The following SULF1 variants were observed in gnomAD, a reference collection of about 807,000 sequenced individuals.
SULF1 encodes extracellular sulfatase Sulf-1.
SULF1 carries 46 observed loss-of-function variants against 110.5 expected under a neutral mutation model. The observed-to-expected ratio is 0.42, with a 90% CI of 0.33 to 0.53. The LOEUF (loss-of-function observed/expected upper bound fraction) is 0.53. Ranked by LOEUF, SULF1 falls within the 20% of genes least tolerant of loss-of-function variation. SULF1 has a pLI of 0.12. For missense variants in SULF1, 941 were observed against 1,094.2 expected, an observed-to-expected ratio of 0.86 and a Z score of 1.98; for synonymous variants, 371 against 387.1, an observed-to-expected ratio of 0.96 and a Z score of 0.49.
chr8:69,589,119 T>A lies in SULF1; in HGVS notation c.712T>A (p.Tyr238Asn). Residue 238 changes from tyrosine (Y) to asparagine (N), a missense_variant, in exon 8 of 23, where the codon TAC (tyrosine) becomes AAC (asparagine). Physicochemically the swap from Tyr to Asn is moderately radical, Grantham distance 143. Around this residue, in one of 3 missense-constraint regions of SULF1, gnomAD observed 822 missense variants for 934.3 expected, o/e 0.88. Transcript: ENST00000402687. ...EDSAPQFSKL[Y>N]PNASQHITPS... The stretch of plus-strand genomic sequence containing the variant: ...CTCAGCCCCACAGTTTTCTAAACTG[T>A]ACCCCAATGCTTCCCAACACATGTA... The A allele has an allele frequency of 6.2e-7, 1 of 1,614,000 alleles. No individual in the cohort carries two copies. The highest frequency in any genetic ancestry group is 8.5e-7 in the Non-Finnish European group (1 of 1,179,928).
At chr8:69,645,340 A>G (rs934654078) in intron 22 of SULF1, among the ~76,000 whole-genome samples, 5 of 152,180 alleles carry the variant, frequency 3.3e-5, no homozygotes, top group Non-Finnish European at 5.9e-5. Flanking sequence ...ACTAAAGTAT[A>G]GCACGTGCAG....
intron 6 of SULF1, among the ~76,000 whole-genome samples, chr8:69,578,325 C>CTGA (rs35623342): frequency 0.045 from 6,744 of 149,342 alleles, 497 homozygotes; most frequent in African/African-American, 0.16. Flanking sequence ...ACAGATCTGA[C>CTGA]TGTTTTTTAT....
rs201919147 is a variant in SULF1, at chr8:69,603,259, C to A, written c.1129C>A (p.Pro377Thr). The part of the protein sequence containing the change: ...TILDIAGLDT[P>T]PDVDGKSVLK... ...CCTGGATATTGCTGGGCTCGACACA[C>A]CTCCTGATGTGGACGGCAAGTCTGT... Residue 377 changes from proline to threonine, a missense_variant, in exon 11 of 23, where the codon CCT (proline) becomes ACT (threonine). Transcript: ENST00000402687. 5.0e-6 allele frequency: 8 copies of A among 1,614,056 alleles called. No individual in the cohort carries two copies. Among genetic ancestry groups the A allele is most frequent in the Non-Finnish European group, 6.8e-6 (8 of 1,180,042 alleles).
chr8:69,621,184 T>C lies in SULF1; in HGVS notation c.1527T>C (p.Ser509=), dbSNP rs200268962. The C allele has an allele frequency of 1.2e-5, 20 of 1,614,086 alleles. No individual in the cohort carries two copies. Among genetic ancestry groups the C allele is most frequent in the Admixed American group, 3.3e-5 (2 of 60,016 alleles). ...DKDKECSCRE[S]GYRASRSQRK... ...ACAAAGAGTGCAGTTGTAGGGAGTC[T>C]GGTTACCGTGCCAGCAGAAGCCAAA... Residue 509 remains serine (S), a synonymous_variant, in exon 14 of 23, where the codon TCT becomes TCC. Transcript: ENST00000402687.
chr8:69,638,274 T>G, intron 19 of SULF1: 1 of 514,010 alleles, frequency 1.9e-6, no homozygotes, highest in Non-Finnish European at 3.3e-6. Context: ...TTTACTTTAG[T>G]CTTCAGCCTA....
intron 1 of SULF1, among the ~76,000 whole-genome samples, chr8:69,486,937 A>G (rs1455893216): frequency 1.3e-5 from 2 of 152,204 alleles, no homozygotes; most frequent in African/African-American, 2.4e-5. Flanking sequence ...TTCTTTGTTG[A>G]TTTACACGTC....
At chr8:69,525,885 C>A (rs563486110) in intron 3 of SULF1, among the ~76,000 whole-genome samples, 2 of 152,094 alleles carry the variant, frequency 1.3e-5, no homozygotes, top group Admixed American at 1.3e-4. Context: ...GTGTGATAAT[C>A]GGAGACTGCC....
intron 19 of SULF1, among the ~76,000 whole-genome samples, chr8:69,636,651 A>C (rs1385451819): frequency 6.6e-6 from 1 of 152,188 alleles, no homozygotes; most frequent in East Asian, 1.9e-4. Flanking sequence ...ATGCTTGAAG[A>C]AGTGGTAGTC....
chr8:69,502,161 G>A (rs189813342), intron 3 of SULF1, among the ~76,000 whole-genome samples, 193 bp downstream of exon 3: 17 of 152,240 alleles, frequency 1.1e-4, no homozygotes, highest in African/African-American at 3.6e-4. Context: ...CTTCCACGTG[G>A]TAGAGCCATG....
intron 5 of SULF1, among the ~76,000 whole-genome samples, chr8:69,573,563 A>G (rs905750363): frequency 6.6e-6 from 1 of 152,146 alleles, no homozygotes; most frequent in East Asian, 1.9e-4. Context: ...TTTGAAATAG[A>G]CTACTGGACA....
intron 8 of SULF1, among the ~76,000 whole-genome samples, chr8:69,594,629 T>C (rs1733082038): frequency 6.6e-6 from 1 of 152,118 alleles, no homozygotes; most frequent in Non-Finnish European, 1.5e-5. Context: ...TGTCTTGCCT[T>C]AAAAGAATTT....
intron 6 of SULF1, among the ~76,000 whole-genome samples, chr8:69,578,485 T>C (rs138755276): frequency 0.013 from 1,934 of 143,898 alleles, 40 homozygotes; most frequent in African/African-American, 0.047. Flanking sequence ...GTATATCTCC[T>C]AATGCTATCC....
chr8:69,637,097 T>G (rs1554596451), intron 19 of SULF1, among the ~76,000 whole-genome samples: 1 of 152,182 alleles, frequency 6.6e-6, no homozygotes, highest in Non-Finnish European at 1.5e-5. Flanking sequence ...TATTTTTTAT[T>G]TTCCTCTCAG....
chr8:69,645,697 C>G (rs993383323), intron 22 of SULF1, among the ~76,000 whole-genome samples: 1 of 152,022 alleles, frequency 6.6e-6, no homozygotes, highest in Non-Finnish European at 1.5e-5. Context: ...GGAAGTCAGT[C>G]CAACCAGAAG....
chr8:69,571,186 A>G (rs1317881419), intron 5 of SULF1, among the ~76,000 whole-genome samples: 1 of 152,240 alleles, frequency 6.6e-6, no homozygotes, highest in South Asian at 2.1e-4. Flanking sequence ...CTTCAGATGT[A>G]GATTACAGAG....
chr8:69,543,960 C>T (rs4737990), intron 3 of SULF1, among the ~76,000 whole-genome samples: 90,019 of 152,066 alleles, frequency 0.59, 26,686 homozygotes, highest in East Asian at 0.66. Flanking sequence ...TAATCAATGT[C>T]AGTATTTTCC....
chr8:69,527,045 G>T (rs1449139345), intron 3 of SULF1, among the ~76,000 whole-genome samples: 2 of 152,220 alleles, frequency 1.3e-5, no homozygotes, highest in East Asian at 1.9e-4. Flanking sequence ...TAAAATGTCG[G>T]TGTGAACAGT....
chr8:69,560,190 C>T (rs1431359647), intron 3 of SULF1, among the ~76,000 whole-genome samples: 1 of 152,128 alleles, frequency 6.6e-6, no homozygotes, highest in Non-Finnish European at 1.5e-5. Context: ...AGACCTAGCA[C>T]CAAGCTGCCC....
chr8:69,640,838 A>G lies in SULF1; in HGVS notation c.2582A>G (p.His861Arg), dbSNP rs779721224. ...AAAGATGGAGGAAGCTATGACCTAC[A>G]CAGGTATTCACACTTTTTTATTCTT... Reference protein sequence around the residue: ...GNKDGGSYDLHRGQLWDGWEG With the variant: ...GNKDGGSYDLRRGQLWDGWEG Residue 861 changes from histidine (H) to arginine (R), a missense_variant, in exon 22 of 23, where the codon CAC becomes CGC. His to Arg is a conservative substitution (Grantham distance 29). Transcript: ENST00000402687. 8 of 1,610,090 alleles carry G rather than the reference A, an allele frequency of 5.0e-6. No homozygotes were observed. Among genetic ancestry groups the G allele is most frequent in the Non-Finnish European group, 6.8e-6 (8 of 1,178,504 alleles).
Sources: gnomAD v4.1 joint callset for allele counts (sites outside exome capture counted in the v4.1 genomes callset) on GRCh38, gnomAD v4.1.1 for gene constraint, gnomAD v4.1.1 regional missense constraint, MANE v1.5 for transcripts, NCBI Gene and HGNC (gene_info 2026-07-23, HGNC 2026-07-21) for gene names.